Variants in DCTN4 observed in about 807,000 individuals in gnomAD.
The protein encoded by DCTN4 is dynactin subunit 4.
A neutral mutation model predicts 62.7 loss-of-function variants in DCTN4; 23 were observed. The ratio of observed to expected loss-of-function variants is 0.37; its 90% confidence interval spans 0.26 to 0.52. DCTN4 has a LOEUF of 0.52. DCTN4 is among the 20% of genes least tolerant of loss of function. DCTN4 has a pLI of 0.92. For missense variants in DCTN4, 514 were observed against 580.4 expected, an observed-to-expected ratio of 0.89 and a Z score of 1.18; for synonymous variants, 199 against 202.1, an observed-to-expected ratio of 0.98 and a Z score of 0.13.
At chr5:150,734,299 G>GT in intron 4 of DCTN4, 1 of 152,352 alleles carries the variant, frequency 6.6e-6, no homozygotes, top group South Asian at 2.1e-4. Context: ...CAGAAAATCT[G>GT]TGAGTGCCCA....
intron 12 of DCTN4, among the ~76,000 whole-genome samples, chr5:150,713,504 C>T (rs1318360407): frequency 2.0e-5 from 3 of 147,050 alleles, no homozygotes; most frequent in East Asian, 2.0e-4. Flanking sequence ...AGTGTAGTGG[C>T]GTGATCTGAG....
intron 8 of DCTN4, among the ~76,000 whole-genome samples, chr5:150,726,950 G>A (rs1178323910): frequency 2.0e-5 from 3 of 152,136 alleles, no homozygotes; most frequent in African/African-American, 7.2e-5. Flanking sequence ...ATTTTTACAT[G>A]AAAAGTTGTC....
chr5:150,742,286 A>G, intron 3 of DCTN4, 129 bp from the exon 4 acceptor site: 1 of 859,080 alleles, frequency 1.2e-6, no homozygotes, highest in Non-Finnish European at 1.9e-6. Context: ...GGTCTATATA[A>G]CTATAGACTA....
At chr5:150,712,190 C>T (rs1472047134) in intron 12 of DCTN4, among the ~76,000 whole-genome samples, 21 of 152,084 alleles carry the variant, frequency 1.4e-4, no homozygotes, top group South Asian at 4.1e-4. Flanking sequence ...AGTGCAGTGG[C>T]GCAATCTTGG....
intron 8 of DCTN4, among the ~76,000 whole-genome samples, chr5:150,726,684 C>T (rs753658577): frequency 4.6e-5 from 7 of 152,052 alleles, no homozygotes; most frequent in African/African-American, 7.2e-5. Flanking sequence ...GCCAAAATTC[C>T]GCAACTTAGC....
chr5:150,730,779 A>G (rs746875874), intron 7 of DCTN4, 39 bp from the exon 8 acceptor site: 2 of 1,566,406 alleles, frequency 1.3e-6, no homozygotes, highest in Admixed American at 1.7e-5. Flanking sequence ...GTTTACAGTG[A>G]CTTTCAAAAT....
intron 3 of DCTN4, among the ~76,000 whole-genome samples, chr5:150,745,168 C>T (rs1395123794): frequency 6.6e-6 from 1 of 150,446 alleles, no homozygotes; most frequent in Non-Finnish European, 1.5e-5. Flanking sequence ...AGACTTTAAA[C>T]CAACAAGGAT....
At position 150,742,083 on chromosome 5, in the gene DCTN4, C is replaced by T. The variant is rs768603853; in HGVS notation, c.429+31G>A. ...TCTTTTACTCAATTTTTTCCGATTTCATCCTCTCTCTCTTATGACCCTTTA... is the reference window on the plus strand; with the variant it reads ...TCTTTTACTCAATTTTTTCCGATTTTATCCTCTCTCTCTTATGACCCTTTA... On this transcript the variant is annotated intron_variant, in intron 4 of 12. Coordinates refer to ENST00000447998, the MANE Select transcript of DCTN4 (RefSeq NM_016221.4). The T allele has an allele frequency of 4.3e-6, 7 of 1,609,838 alleles. No individual in the cohort carries two copies. The East Asian group carries it at 1.3e-4, about 31-fold the overall frequency.
At chr5:150,745,698 A>T (rs1760935598) in intron 3 of DCTN4, among the ~76,000 whole-genome samples, 1 of 152,240 alleles carries the variant, frequency 6.6e-6, no homozygotes, top group African/African-American at 2.4e-5. Flanking sequence ...ACTGCTGGGT[A>T]TATAACAAAA....
intron 12 of DCTN4, among the ~76,000 whole-genome samples, chr5:150,714,591 T>G (rs746054076): frequency 1.3e-5 from 2 of 152,204 alleles, no homozygotes; most frequent in Admixed American, 1.3e-4. Context: ...ATTCCTAGGC[T>G]GGTTTCAAAC....
chr5:150,726,754 G>A (rs997213157), intron 8 of DCTN4, among the ~76,000 whole-genome samples: 1 of 152,116 alleles, frequency 6.6e-6, no homozygotes, highest in Non-Finnish European at 1.5e-5. Flanking sequence ...CCGTGGGCTG[G>A]TTATGTTAAC....
At chr5:150,749,806 C>A (rs1276292725) in intron 3 of DCTN4, among the ~76,000 whole-genome samples, 2 of 152,098 alleles carry the variant, frequency 1.3e-5, no homozygotes, top group Non-Finnish European at 2.9e-5. Flanking sequence ...TTCATAGCAC[C>A]TTTATTCACA....
chr5:150,753,760 A>G, intron 2 of DCTN4, 103 bp from the exon 3 acceptor site: 3 of 1,199,092 alleles, frequency 2.5e-6, no homozygotes, highest in Non-Finnish European at 3.5e-6. Flanking sequence ...AAACAGTAAC[A>G]TTCTGCAGGC....
intron 3 of DCTN4, among the ~76,000 whole-genome samples, chr5:150,746,104 G>C (rs1195475299): frequency 6.6e-6 from 1 of 151,164 alleles, no homozygotes; most frequent in African/African-American, 2.4e-5. Context: ...AAATGATAAA[G>C]GGGATATCAC....
At chr5:150,753,325 A>G (rs943099883) in intron 3 of DCTN4, among the ~76,000 whole-genome samples, 154 bp downstream of exon 3, 1 of 152,260 alleles carries the variant, frequency 6.6e-6, no homozygotes, top group South Asian at 2.1e-4. Context: ...ACTAAGGTCT[A>G]CAAATGTGAA....
chr5:150,718,163 G>C lies in DCTN4; in HGVS notation c.1071+113C>G, dbSNP rs1759833564. 9.4e-6 allele frequency: 6 copies of C among 639,432 alleles called. No homozygotes were observed. In the South Asian group the frequency reaches 1.4e-4, roughly 14 times the overall value. 39.6% of individuals were successfully genotyped at this position (639,432 alleles called of 1,614,324 possible). ...AAAAATTTAGGAGGTGGAATCAAAA[G>C]AACTTGCTGACTAGATGTGGAAAGG... On this transcript the variant is annotated intron_variant, in intron 11 of 12. Coordinates refer to ENST00000447998, the MANE Select transcript of DCTN4 (RefSeq NM_016221.4).
rs879008611 is a variant in DCTN4 at position 150,744,548 on chromosome 5, A to G, written c.386-2391T>C. ...TAAAGGGCAGCCAGAGAGAAAGGTCAGGTTACCCACAAAGGGAAGCCCATC... is the reference window on the plus strand; with the variant it reads ...TAAAGGGCAGCCAGAGAGAAAGGTCGGGTTACCCACAAAGGGAAGCCCATC... On this transcript the variant is annotated intron_variant, in intron 3 of 12. Transcript: ENST00000447998. Among the ~76,000 whole-genome samples, 5 of 152,202 alleles carry G rather than the reference A, an allele frequency of 3.3e-5. No individual in the cohort carries two copies. The South Asian group carries it at 6.2e-4, about 19-fold the overall frequency.
intron 1 of DCTN4, chr5:150,758,311 A>C: frequency 6.1e-6 from 6 of 985,782 alleles, no homozygotes; most frequent in Non-Finnish European, 7.2e-6. Context: ...CTTACATGAC[A>C]TACTGTATTC....
intron 4 of DCTN4, among the ~76,000 whole-genome samples, chr5:150,738,188 A>C (rs1197442661): frequency 1.3e-5 from 2 of 152,196 alleles, no homozygotes; most frequent in Non-Finnish European, 2.9e-5. Context: ...TCTATCAGAC[A>C]TTCAAAGAAT....
Sources: gnomAD v4.1 joint callset for allele counts (sites outside exome capture counted in the v4.1 genomes callset) on GRCh38, gnomAD v4.1.1 for gene constraint, MANE v1.5 for transcripts, NCBI Gene and HGNC (gene_info 2026-07-23, HGNC 2026-07-21) for gene names.